C5orf52: variants seen among roughly 807,000 people sequenced by gnomAD.
C5orf52 encodes chromosome 5 open reading frame 52, also known as uncharacterized protein C5orf52.
In C5orf52, 15 loss-of-function variants were observed where a neutral mutation model predicts 16.8. That is an observed-to-expected ratio of 0.89 (90% confidence interval 0.60 to 1.38). The LOEUF is 1.38. C5orf52 is among the 40% of genes most tolerant of loss of function. C5orf52 has a pLI of 0.00. For synonymous variants in C5orf52, 83 were observed against 87.2 expected (o/e 0.95, Z 0.27); for missense variants, 206 against 213.1 (o/e 0.97, Z 0.21).
chr5:157,675,645 A>C (rs1759879236), intron 2 of C5orf52, among the ~76,000 whole-genome samples: 1 of 152,110 alleles, frequency 6.6e-6, no homozygotes, highest in African/African-American at 2.4e-5. Context: ...CTCTACTAAA[A>C]ATACAAAAAT....
chr5:157,679,958 AGCAACCG>A lies in C5orf52; in HGVS notation c.441_447del (p.Asn148ThrfsTer2). ...GCGATGGAGAGAGGAATCCGTGAAC[AGCAACCG>A]GTACTTAACCTTCGGGATACCACCA... is the stretch of plus-strand genomic sequence containing the variant. On this transcript the variant is annotated frameshift_variant, in exon 3 of 3. Transcript: ENST00000409999. LOFTEE classifies it high-confidence loss of function. 1.3e-6 allele frequency: 2 copies of A among 1,551,732 alleles called. No individual in the cohort carries two copies. The highest frequency in any genetic ancestry group is 1.7e-6 in the Non-Finnish European group (2 of 1,147,000).
chr5:157,673,195 C>T (rs1253862584), intron 1 of C5orf52, among the ~76,000 whole-genome samples: 4 of 151,622 alleles, frequency 2.6e-5, no homozygotes, highest in Non-Finnish European at 4.4e-5. Context: ...AAAAATTAGC[C>T]GGGCATGGTG....
rs190787144 is a variant in C5orf52 at position 157,678,183 on chromosome 5, A to G, written c.322-1658A>G. On this transcript the variant is annotated intron_variant, in intron 2 of 2. Coordinates refer to ENST00000409999, the MANE Select transcript of C5orf52 (RefSeq NM_001145132.2). ...TGATGCTCAGCCAGGTTTGGAGAAC[A>G]CGGACTTGAACTATGACATTTAGTG... Among the ~76,000 whole-genome samples the G allele has an allele frequency of 2.1e-3, 326 of 152,310 alleles. 1 individual carries two copies. Among genetic ancestry groups the G allele is most frequent in the Non-Finnish European group, 3.1e-3 (214 of 68,036 alleles).
intron 1 of C5orf52, among the ~76,000 whole-genome samples, chr5:157,672,457 T>C (rs1416582127): frequency 1.3e-5 from 2 of 152,168 alleles, no homozygotes; most frequent in African/African-American, 4.8e-5. Context: ...TGCCACCCTC[T>C]TCCCCTTCTA....
Position 157,671,801 on chromosome 5 carries a change from T to C in C5orf52, c.187T>C (p.Ser63Pro). 1 of 1,543,410 alleles carries C rather than the reference T, an allele frequency of 6.5e-7. No homozygotes were observed. ...GCAGATCTGCTTTCCGCGGCCGAGG[T>C]CCGCGCAGCAGCCGGTGCTGTTCAG... Reference protein sequence around the residue: ...QPQICFPRPRSAQQPVLFSLM... With the variant: ...QPQICFPRPRPAQQPVLFSLM... Residue 63 changes from serine (S) to proline (P), a missense_variant, in exon 1 of 3, where the codon TCC (serine) becomes CCC (proline). Ser to Pro is a moderately conservative substitution (Grantham distance 74). Coordinates refer to ENST00000409999, the MANE Select transcript of C5orf52 (RefSeq NM_001145132.2).
At position 157,678,898 on chromosome 5, in the gene C5orf52, G is replaced by T. The variant is rs187695136; in HGVS notation, c.322-943G>T. The stretch of plus-strand genomic sequence containing the variant: ...GCCTGTAATCTCAGCACTTTGGGAG[G>T]CCGAAGCGGGTGGATCACGAGGTCA... On this transcript the variant is annotated intron_variant, in intron 2 of 2. Coordinates refer to ENST00000409999, the MANE Select transcript of C5orf52 (RefSeq NM_001145132.2). Among the ~76,000 whole-genome samples the T allele has an allele frequency of 5.6e-3, 856 of 152,222 alleles. 6 individuals are homozygous for T. The highest frequency in any genetic ancestry group is 0.016 in the African/African-American group (685 of 41,554).
chr5:157,679,297 G>C (rs1439743814), intron 2 of C5orf52, among the ~76,000 whole-genome samples: 1 of 152,012 alleles, frequency 6.6e-6, no homozygotes, highest in Non-Finnish European at 1.5e-5. Flanking sequence ...ACACCTTACC[G>C]CCTTTTGGGG....
At chr5:157,672,401 G>A (rs1220557706) in intron 1 of C5orf52, among the ~76,000 whole-genome samples, 5 of 152,070 alleles carry the variant, frequency 3.3e-5, no homozygotes, top group Admixed American at 6.5e-5. Context: ...AAAGCAATTT[G>A]GTTCAAAATG....
chr5:157,678,694 C>T (rs994130660), intron 2 of C5orf52, among the ~76,000 whole-genome samples: 1 of 152,144 alleles, frequency 6.6e-6, no homozygotes, highest in Non-Finnish European at 1.5e-5. Flanking sequence ...CTCCTGGCCT[C>T]AAGTGAGCCA....
At chr5:157,671,479 A>G (rs554081740), upstream of C5orf52, 81 of 679,588 alleles carry the variant, frequency 1.2e-4, no homozygotes, top group African/African-American at 1.1e-3. Flanking sequence ...CGCAGCCAAT[A>G]TGTGTCTCCC....
chr5:157,672,213 G>T (rs1044183472), intron 1 of C5orf52, among the ~76,000 whole-genome samples: 2 of 151,976 alleles, frequency 1.3e-5, no homozygotes, highest in Non-Finnish European at 2.9e-5. Flanking sequence ...TCCCAAGTTC[G>T]AATCCGTCTC....
At position 157,680,024 on chromosome 5, in the gene C5orf52, A is replaced by G. The variant is rs1265003482; in HGVS notation, c.*25A>G. The G allele has an allele frequency of 5.8e-6, 9 of 1,548,548 alleles. No individual in the cohort carries two copies. Among genetic ancestry groups the G allele is most frequent in the African/African-American group, 4.1e-5 (3 of 72,888 alleles). On this transcript the variant is annotated 3_prime_UTR_variant, in exon 3 of 3. Coordinates refer to ENST00000409999, the MANE Select transcript of C5orf52 (RefSeq NM_001145132.2). ...AACTCCAGTCTCCCAAGAAAGGCCA[A>G]CCACCCTAGTTCTGGCAAAGGGATC...
At chr5:157,673,745 T>A (rs564449691) in intron 1 of C5orf52, among the ~76,000 whole-genome samples, 2 of 152,188 alleles carry the variant, frequency 1.3e-5, no homozygotes, top group South Asian at 4.2e-4. Context: ...CCTGGGTTCA[T>A]GTGATTCTCC....
In C5orf52 at chr5:157,675,166, A is replaced by G; in HGVS notation, c.287A>G (p.Asp96Gly). 1 of 1,551,188 alleles carries G rather than the reference A, an allele frequency of 6.4e-7. No individual in the cohort carries two copies. The highest frequency in any genetic ancestry group is 8.7e-7 in the Non-Finnish European group (1 of 1,146,482). ...KSHLSRVIIH[D>G]NRITQRIYEM... ...CATTTATCTCGGGTGATTATTCATG[A>G]TAACCGCATCACACAACGAATCTAT... is the stretch of plus-strand genomic sequence containing the variant. The change falls in exon 2 of 3, where the codon GAT becomes GGT. Residue 96 changes from aspartate (D) to glycine (G), a missense_variant. Asp to Gly is a moderately conservative substitution (Grantham distance 94). Coordinates refer to ENST00000409999, the MANE Select transcript of C5orf52 (RefSeq NM_001145132.2).
At chr5:157,679,554 C>T (rs973970356) in intron 2 of C5orf52, among the ~76,000 whole-genome samples, 3 of 152,170 alleles carry the variant, frequency 2.0e-5, no homozygotes, top group Non-Finnish European at 4.4e-5. Flanking sequence ...CCAGGCTGCT[C>T]TCAAACTCCT....
chr5:157,671,714 G>C lies in C5orf52; in HGVS notation c.100G>C (p.Gly34Arg), dbSNP rs1368113111. The change falls in exon 1 of 3, where the codon GGT becomes CGT. Residue 34 changes from glycine to arginine, a missense_variant. Physicochemically the swap from Gly to Arg is moderately radical, Grantham distance 125. Coordinates refer to ENST00000409999, the MANE Select transcript of C5orf52 (RefSeq NM_001145132.2). Reference sequence around the variant, plus strand: ...GACCACCAGTTCCAGCGCCACCTCGGGTTCGAACTACCAGCGCGATAGACT... The same window carrying C: ...GACCACCAGTTCCAGCGCCACCTCGCGTTCGAACTACCAGCGCGATAGACT... ...QATTSSSATS[G>R]SNYQRDRLGR... The C allele has an allele frequency of 6.4e-7, 1 of 1,551,328 alleles. No homozygotes were observed. The highest frequency in any genetic ancestry group is 1.4e-5 in the African/African-American group (1 of 73,176).
chr5:157,671,513 A>C, upstream of C5orf52: 1 of 991,566 alleles, frequency 1.0e-6, no homozygotes, highest in East Asian at 2.6e-5. Flanking sequence ...CGCTCGGTTC[A>C]GGGCTCCGCC....
rs1759978885 is a variant in C5orf52 at position 157,680,121 on chromosome 5, C to T, written c.*122C>T. ...AACTACAACCTACACAACTGTAGAACAATAAACAGAAACCAGCAGACAGCG... is the reference window on the plus strand; with the variant it reads ...AACTACAACCTACACAACTGTAGAATAATAAACAGAAACCAGCAGACAGCG... On this transcript the variant is annotated 3_prime_UTR_variant, in exon 3 of 3. Transcript: ENST00000409999. 7.9e-6 allele frequency: 7 copies of T among 887,682 alleles called. No individual in the cohort carries two copies. Among genetic ancestry groups the T allele is most frequent in the Admixed American group, 2.9e-5 (1 of 33,930 alleles). 55.0% of individuals were successfully genotyped at this position (887,682 alleles called of 1,614,324 possible). A position where few individuals can be genotyped will look rare whatever the true frequency, so the allele number is the denominator to read the frequency against.
chr5:157,678,844 G>A (rs1759955669), intron 2 of C5orf52, among the ~76,000 whole-genome samples: 1 of 152,130 alleles, frequency 6.6e-6, no homozygotes, highest in Admixed American at 6.5e-5. Context: ...AGAAATATTT[G>A]GGCATGTGGG....
Sources: gnomAD v4.1 joint callset for allele counts (sites outside exome capture counted in the v4.1 genomes callset) on GRCh38, gnomAD v4.1.1 for gene constraint, MANE v1.5 for transcripts, NCBI Gene and HGNC (gene_info 2026-07-23, HGNC 2026-07-21) for gene names.